KCNQ1: variants seen among roughly 807,000 people sequenced by gnomAD.
The protein encoded by KCNQ1 is potassium voltage-gated channel subfamily Q member 1, also known as potassium voltage-gated channel subfamily KQT member 1.
KCNQ1 carries 49 observed loss-of-function variants against 72.4 expected under a neutral mutation model. The ratio of observed to expected loss-of-function variants is 0.68; its 90% CI spans 0.54 to 0.86. The LOEUF is 0.86. Among genes scored for constraint, KCNQ1 ranks in the 40% least tolerant of loss-of-function variants. The pLI is 0.00. For synonymous variants in KCNQ1, 450 were observed against 412.6 expected, an observed-to-expected ratio of 1.09 and a Z score of -1.10; for missense variants, 790 against 945.1, an observed-to-expected ratio of 0.84 and a Z score of 2.15.
rs1259371598 is a variant in KCNQ1, at chr11:2,826,535, G to C, written c.1795-21232G>C. On this transcript the variant is annotated intron_variant, in intron 15 of 15. Transcript: ENST00000155840. This position sits in a 1 kb window ranked among gnomAD's most constrained non-coding sequence, Gnocchi z 4.2. ...GGAGCACTTTCCCCCGCCCCCTCCT[G>C]CTGCTGCTTCCCCGAAGGCCTCCCC... Among the ~76,000 whole-genome samples the C allele has an allele frequency of 6.6e-6, 1 of 152,234 alleles. No individual in the cohort carries two copies. Among genetic ancestry groups the C allele is most frequent in the African/African-American group, 2.4e-5 (1 of 41,458 alleles).
chr11:2,633,986 A>C (rs1849407133), intron 10 of KCNQ1: 1 of 398,486 alleles, frequency 2.5e-6, no homozygotes, highest in Non-Finnish European at 4.4e-6. Flanking sequence ...ATGTTGTTGA[A>C]GAGTCGACTG....
At chr11:2,633,527 T>C (rs1849398778) in intron 10 of KCNQ1, 1 of 398,504 alleles carries the variant, frequency 2.5e-6, no homozygotes, top group Non-Finnish European at 4.4e-6. Context: ...CTCTAATCAA[T>C]TTTGAGTTGA....
intron 11 of KCNQ1, chr11:2,688,978 C>G (rs1228192679): frequency 5.0e-6 from 2 of 398,784 alleles, no homozygotes; most frequent in Non-Finnish European, 8.8e-6. Context: ...GGGGTCTGAT[C>G]TGGAGAGCAG....
rs1428012366 is a variant in KCNQ1, at chr11:2,641,352, A to G, written c.1394-20609A>G. 2.5e-5 allele frequency: 10 copies of G among 397,668 alleles called. No homozygotes were observed. In the Admixed American group the frequency reaches 2.6e-4, roughly 11 times the overall value. 24.6% of individuals were successfully genotyped at this position (397,668 alleles called of 1,614,324 possible). ...TCTTTTTAAAATAGCCATTCTCACT[A>G]TGGTTTTGGCTTGCATTTCCCTTAT... On this transcript the variant is annotated intron_variant, in intron 10 of 15. Transcript: ENST00000155840.
At position 2,588,192 on chromosome 11, in the gene KCNQ1, C is replaced by T. The variant is rs1848621345; in HGVS notation, c.1251+500C>T. On this transcript the variant is annotated intron_variant, in intron 9 of 15. Transcript: ENST00000155840. This position sits in a 1 kb window ranked among gnomAD's most constrained non-coding sequence, Gnocchi z 5.6. ...TGGCTGGGGTCATAAGGGGTTGGGGCTGACGCTGGCATGGTTCCCCTTCCT... is the reference window on the plus strand; with the variant it reads ...TGGCTGGGGTCATAAGGGGTTGGGGTTGACGCTGGCATGGTTCCCCTTCCT... Among the ~76,000 whole-genome samples, 2 of 152,056 alleles carry T rather than the reference C, an allele frequency of 1.3e-5. No homozygotes were observed. Among genetic ancestry groups the T allele is most frequent in the South Asian group, 4.1e-4 (2 of 4,828 alleles).
chr11:2,644,730 A>G lies in KCNQ1; in HGVS notation c.1394-17231A>G, dbSNP rs1368720701. The G allele has an allele frequency of 1.5e-5, 6 of 398,474 alleles. No homozygotes were observed. The Admixed American group carries it at 2.2e-4, about 15-fold the overall frequency. The allele number at this position is 398,474 out of a possible 1,614,324, so 24.7% of individuals were successfully genotyped here. ...GAGTCTTGTTCCTGAAGATATATCT[A>G]TGGTGTTCTTTGGGCAGGGCACTTT... On this transcript the variant is annotated intron_variant, in intron 10 of 15. Transcript: ENST00000155840.
At position 2,673,426 on chromosome 11, in the gene KCNQ1, A is replaced by T; in HGVS notation, c.1514+11345A>T. On this transcript the variant is annotated intron_variant, in intron 11 of 15. Coordinates refer to ENST00000155840, the MANE Select transcript of KCNQ1 (RefSeq NM_000218.3). This position sits in a 1 kb window ranked among gnomAD's most constrained non-coding sequence, Gnocchi z 4.5. Reference sequence around the variant, plus strand: ...CCTTCTGCCTAGGCACCAGGCCTGGAGGTTCCAACTTGGTGTTGGGCCTCC... The same window carrying T: ...CCTTCTGCCTAGGCACCAGGCCTGGTGGTTCCAACTTGGTGTTGGGCCTCC... 1 of 398,660 alleles carries T rather than the reference A, an allele frequency of 2.5e-6. No individual in the cohort carries two copies. Among genetic ancestry groups the T allele is most frequent in the Non-Finnish European group, 4.4e-6 (1 of 226,060 alleles). The allele number at this position is 398,660 out of a possible 1,614,324, so 24.7% of individuals were successfully genotyped here. A position where few individuals can be genotyped will look rare whatever the true frequency, so the allele number is the denominator to read the frequency against.
chr11:2,836,597 G>A (rs903785780), intron 15 of KCNQ1, among the ~76,000 whole-genome samples: 2 of 152,210 alleles, frequency 1.3e-5, no homozygotes, highest in Non-Finnish European at 2.9e-5. Context: ...GGGTGGTGAT[G>A]TCAGCAATCC....
chr11:2,728,360 T>G (rs1179182955), intron 11 of KCNQ1, among the ~76,000 whole-genome samples: 1 of 152,222 alleles, frequency 6.6e-6, no homozygotes, highest in East Asian at 1.9e-4. Flanking sequence ...GCGCCAGCCC[T>G]CAGGGGACCA....
intron 1 of KCNQ1, among the ~76,000 whole-genome samples, chr11:2,496,236 A>G (rs981602401): frequency 1.3e-5 from 2 of 151,994 alleles, no homozygotes; most frequent in African/African-American, 2.4e-5. Context: ...GGAGATCGAG[A>G]CCATCCTGGC....
intron 10 of KCNQ1, chr11:2,656,422 C>G (rs1353545664): frequency 2.5e-6 from 1 of 398,564 alleles, no homozygotes; most frequent in African/African-American, 2.1e-5. Flanking sequence ...ACTCTGAGCC[C>G]TTCTCCTGGC....
intron 12 of KCNQ1, among the ~76,000 whole-genome samples, chr11:2,771,156 G>A (rs1846591922): frequency 6.6e-6 from 1 of 152,234 alleles, no homozygotes; most frequent in Non-Finnish European, 1.5e-5. Context: ...GGGCATCCTG[G>A]GGGCTGCTTC....
rs1192759856 is a variant in KCNQ1, at chr11:2,725,810, C to T, written c.1515-43034C>T. ...CCGCCCCCACCCAAAGCACAGGTCACCTGCCTGGTTAATCATCCTGGGCTC... is the reference window on the plus strand; with the variant it reads ...CCGCCCCCACCCAAAGCACAGGTCATCTGCCTGGTTAATCATCCTGGGCTC... On this transcript the variant is annotated intron_variant, in intron 11 of 15. Coordinates refer to ENST00000155840, the MANE Select transcript of KCNQ1 (RefSeq NM_000218.3). The surrounding 1 kb of genome is among the most constrained non-coding windows in gnomAD (Gnocchi z 7.2). Among the ~76,000 whole-genome samples the T allele has an allele frequency of 6.6e-6, 1 of 150,586 alleles. No homozygotes were observed. Among genetic ancestry groups the T allele is most frequent in the African/African-American group, 2.4e-5 (1 of 40,888 alleles).
chr11:2,518,253 G>A (rs12790168), intron 1 of KCNQ1, among the ~76,000 whole-genome samples: 11 of 152,252 alleles, frequency 7.2e-5, no homozygotes, highest in South Asian at 2.1e-4. Context: ...AGCCAGAGCC[G>A]GAGGCCTCCT....
In KCNQ1 at chr11:2,538,266, C is replaced by G. The variant is rs538698230; in HGVS notation, c.477+10248C>G. On this transcript the variant is annotated intron_variant, in intron 2 of 15. Transcript: ENST00000155840. The surrounding 1 kb of genome is among the most constrained non-coding windows in gnomAD (Gnocchi z 6.7). ...TCAGCTTCTTTGACCTGGAGCAGCC[C>G]TGCCCGGCCTTCCCTTCTTGGTCTC... Among the ~76,000 whole-genome samples the G allele has an allele frequency of 1.3e-5, 2 of 152,314 alleles. No homozygotes were observed. Among genetic ancestry groups the G allele is most frequent in the East Asian group, 3.9e-4 (2 of 5,170 alleles).
intron 1 of KCNQ1, among the ~76,000 whole-genome samples, chr11:2,490,113 G>C (rs1269241508): frequency 1.3e-5 from 2 of 152,218 alleles, no homozygotes; most frequent in Non-Finnish European, 2.9e-5. Context: ...GCCTTCAGTG[G>C]ACAACCATGG....
rs773097141 is a variant in KCNQ1 at position 2,550,380 on chromosome 11, G to T, written c.478-20248G>T. 1.3e-5 allele frequency among the ~76,000 whole-genome samples: 2 copies of T among 152,208 alleles called. No individual in the cohort carries two copies. Among genetic ancestry groups the T allele is most frequent in the Non-Finnish European group, 2.9e-5 (2 of 68,026 alleles). On this transcript the variant is annotated intron_variant, in intron 2 of 15. Coordinates refer to ENST00000155840, the MANE Select transcript of KCNQ1 (RefSeq NM_000218.3). This position sits in a 1 kb window ranked among gnomAD's most constrained non-coding sequence, Gnocchi z 6.0. ...GCTAGGGTCCCTCTGGGGGTTGAAT[G>T]AAAAGGCATAGGTAGAAGGTGGGAG...
rs1056093996 is a variant in KCNQ1, at chr11:2,595,353, G to T, written c.1393+6499G>T. Among the ~76,000 whole-genome samples the T allele has an allele frequency of 6.6e-6, 1 of 152,112 alleles. No individual in the cohort carries two copies. Among genetic ancestry groups the T allele is most frequent in the African/African-American group, 2.4e-5 (1 of 41,418 alleles). On this transcript the variant is annotated intron_variant, in intron 10 of 15. Transcript: ENST00000155840. The surrounding 1 kb of genome is among the most constrained non-coding windows in gnomAD (Gnocchi z 5.0). ...TTCTTGCAGCAAATAACCAGAAATT[G>T]AGATTTTTAAAATACAGGCGTGTCT... is the stretch of plus-strand genomic sequence containing the variant.
At chr11:2,847,512 G>A (rs1848354106) in intron 15 of KCNQ1, among the ~76,000 whole-genome samples, 2 of 152,210 alleles carry the variant, frequency 1.3e-5, no homozygotes, top group Non-Finnish European at 2.9e-5. Flanking sequence ...GAATGCCTGT[G>A]GACACATATA....
Sources: gnomAD v4.1 joint callset for allele counts (sites outside exome capture counted in the v4.1 genomes callset) on GRCh38, gnomAD v4.1.1 for gene constraint, Gnocchi (gnomAD v3.1) non-coding constraint, MANE v1.5 for transcripts, NCBI Gene and HGNC (gene_info 2026-07-23, HGNC 2026-07-21) for gene names.